Variants in LRRC3B observed in about 807,000 individuals in gnomAD.
LRRC3B encodes the protein leucine rich repeat containing 3B, also known as leucine-rich repeat-containing protein 3B.
LRRC3B carries 2 observed loss-of-function variants against 12.8 expected under a neutral mutation model. The ratio of observed to expected loss-of-function variants is 0.16; its 90% CI spans 0.06 to 0.49. The LOEUF is 0.49. LRRC3B is among the 20% of genes least tolerant of loss of function. The pLI is 0.96. For missense variants in LRRC3B, 189 were observed against 319.4 expected (o/e 0.59, Z 3.11); for synonymous variants, 132 against 122.0 (o/e 1.08, Z -0.54).
chr3:26,690,359 T>C (rs2125448605), intron 1 of LRRC3B, among the ~76,000 whole-genome samples: 1 of 152,342 alleles, frequency 6.6e-6, no homozygotes, highest in South Asian at 2.1e-4. Flanking sequence ...CTGTCTTTAC[T>C]TATCTTACCT....
chr3:26,630,411 T>C (rs1698731375), intron 1 of LRRC3B, among the ~76,000 whole-genome samples: 1 of 152,190 alleles, frequency 6.6e-6, no homozygotes. Flanking sequence ...CAAACCAATT[T>C]TATTGAAATA....
At chr3:26,703,990 G>T (rs1700521754) in intron 1 of LRRC3B, among the ~76,000 whole-genome samples, 1 of 151,604 alleles carries the variant, frequency 6.6e-6, no homozygotes, top group Non-Finnish European at 1.5e-5. Context: ...ATACCATCAG[G>T]AATTAAAACT....
At chr3:26,651,004 G>C (rs1399279731) in intron 1 of LRRC3B, among the ~76,000 whole-genome samples, 1 of 152,204 alleles carries the variant, frequency 6.6e-6, no homozygotes, top group East Asian at 1.9e-4. Context: ...CTGTCATTCT[G>C]TGTGTCCACA....
intron 1 of LRRC3B, among the ~76,000 whole-genome samples, chr3:26,698,139 T>C (rs1388981157): frequency 6.6e-6 from 1 of 152,168 alleles, no homozygotes; most frequent in Non-Finnish European, 1.5e-5. Context: ...GTGGTGGTGG[T>C]GGCAGTAGTA....
intron 1 of LRRC3B, among the ~76,000 whole-genome samples, chr3:26,703,008 G>T (rs1700495812): frequency 6.6e-6 from 1 of 152,026 alleles, no homozygotes; most frequent in Non-Finnish European, 1.5e-5. Context: ...GAGAACTAAA[G>T]TCCATGGCAG....
chr3:26,701,119 CA>C (rs1332991887), intron 1 of LRRC3B: 2 of 151,762 alleles, frequency 1.3e-5, no homozygotes, highest in African/African-American at 2.4e-5. Context: ...TAATTTAAAC[CA>C]AAATAAAAAT....
chr3:26,666,704 T>C (rs1323009853), intron 1 of LRRC3B, among the ~76,000 whole-genome samples: 4 of 152,172 alleles, frequency 2.6e-5, no homozygotes, highest in Admixed American at 2.6e-4. Context: ...GTTACATCAC[T>C]ATCAATCAAA....
In LRRC3B at chr3:26,680,480, A is replaced by G. The variant is rs570226323; in HGVS notation, c.-160-29033A>G. Among the ~76,000 whole-genome samples, 4 of 152,326 alleles carry G rather than the reference A, an allele frequency of 2.6e-5. No individual in the cohort carries two copies. The South Asian group carries it at 8.3e-4, about 32-fold the overall frequency. The stretch of plus-strand genomic sequence containing the variant: ...GCAAAGAAAGACTGTAAATTTCCCC[A>G]AGGTGTCTGGGAAATAGAATTTTAT... On this transcript the variant is annotated intron_variant, in intron 1 of 1. Coordinates refer to ENST00000396641, the Ensembl canonical transcript of LRRC3B.
At chr3:26,673,865 T>C (rs796360087) in intron 1 of LRRC3B, among the ~76,000 whole-genome samples, 45 of 152,300 alleles carry the variant, frequency 3.0e-4, no homozygotes, top group African/African-American at 1.1e-3. Flanking sequence ...GTCCACTCTT[T>C]TGAGGTTCTT....
rs376749439 is a variant in LRRC3B at position 26,631,202 on chromosome 3, C to T, written c.-161+7965C>T. Among the ~76,000 whole-genome samples, 28 of 152,248 alleles carry T rather than the reference C, an allele frequency of 1.8e-4. No homozygotes were observed. The East Asian group carries it at 3.5e-3, about 19-fold the overall frequency. On this transcript the variant is annotated intron_variant, in intron 1 of 1. Transcript: ENST00000396641. ...AGCAATAGCCTCCTGGATCCTGGCC[C>T]GATGAACATTCGCTTGTGTTTTAGC... is the stretch of plus-strand genomic sequence containing the variant.
At chr3:26,678,086 G>A (rs138401684) in intron 1 of LRRC3B, among the ~76,000 whole-genome samples, 9 of 152,150 alleles carry the variant, frequency 5.9e-5, no homozygotes, top group African/African-American at 1.7e-4. Flanking sequence ...CAAAGTGCTC[G>A]GTTTACAGGT....
chr3:26,662,716 C>T (rs1699518867), intron 1 of LRRC3B, among the ~76,000 whole-genome samples: 1 of 152,048 alleles, frequency 6.6e-6, no homozygotes, highest in African/African-American at 2.4e-5. Flanking sequence ...GTAGGAATGT[C>T]TCTTGAGTCC....
intron 1 of LRRC3B, chr3:26,701,080 CT>C (rs1700441733): frequency 6.6e-6 from 1 of 152,008 alleles, no homozygotes; most frequent in Non-Finnish European, 1.5e-5. Flanking sequence ...ATAGATTGTC[CT>C]AATATTATTT....
chr3:26,675,789 G>T (rs1035268044), intron 1 of LRRC3B, among the ~76,000 whole-genome samples: 1 of 152,040 alleles, frequency 6.6e-6, no homozygotes, highest in African/African-American at 2.4e-5. Context: ...GATATGAAAC[G>T]CCTTAATTGT....
chr3:26,648,742 A>C (rs1699204482), intron 1 of LRRC3B, among the ~76,000 whole-genome samples: 1 of 152,194 alleles, frequency 6.6e-6, no homozygotes, highest in Non-Finnish European at 1.5e-5. Context: ...TTGATGCTTG[A>C]TTTGTAATGT....
At chr3:26,705,962 T>C (rs1700575723) in intron 1 of LRRC3B, among the ~76,000 whole-genome samples, 2 of 152,198 alleles carry the variant, frequency 1.3e-5, no homozygotes, top group South Asian at 4.1e-4. Flanking sequence ...CCTTTGGCTT[T>C]GCTGTCTACA....
intron 1 of LRRC3B, among the ~76,000 whole-genome samples, chr3:26,636,527 G>A (rs1402514395): frequency 6.6e-6 from 1 of 152,134 alleles, no homozygotes; most frequent in African/African-American, 2.4e-5. Context: ...AGTCTGAAGT[G>A]CTTAGGTAAC....
intron 1 of LRRC3B, among the ~76,000 whole-genome samples, chr3:26,681,447 T>C (rs1699967919): frequency 3.3e-5 from 5 of 152,226 alleles, no homozygotes; most frequent in Admixed American, 3.3e-4. Flanking sequence ...CAAGAGAGAA[T>C]ATTCCATAAT....
At chr3:26,667,277 G>A (rs1699625957) in intron 1 of LRRC3B, among the ~76,000 whole-genome samples, 2 of 152,106 alleles carry the variant, frequency 1.3e-5, no homozygotes, top group South Asian at 2.1e-4. Flanking sequence ...TATTAAGTTT[G>A]TTAAGGGTTC....
Sources: gnomAD v4.1 joint callset for allele counts (sites outside exome capture counted in the v4.1 genomes callset) on GRCh38, gnomAD v4.1.1 for gene constraint, MANE v1.5 for transcripts, NCBI Gene and HGNC (gene_info 2026-07-23, HGNC 2026-07-21) for gene names.